Variants in HYCC2 observed in about 807,000 individuals in gnomAD.
HYCC2 encodes hyccin 2.
the HYCC2 span, among the ~76,000 whole-genome samples, chr2:201,056,631 G>A: frequency 6.8e-6 from 1 of 147,176 alleles, no homozygotes; most frequent in South Asian, 2.1e-4. Context: ...CAAAGATCAT[G>A]CCATTGCACT....
the HYCC2 span, among the ~76,000 whole-genome samples, chr2:201,032,609 C>T: frequency 6.6e-6 from 1 of 152,082 alleles, no homozygotes; most frequent in Non-Finnish European, 1.5e-5. Flanking sequence ...GATGCAATTA[C>T]GATTGAGATT....
At chr2:201,060,562 T>C in the HYCC2 span, among the ~76,000 whole-genome samples, 258 of 152,318 alleles carry the variant, frequency 1.7e-3, no homozygotes, top group African/African-American at 5.0e-3. Context: ...ATGCTAAAGA[T>C]GGCGAAAGAA....
chr2:201,010,767 A>AG, the HYCC2 span, among the ~76,000 whole-genome samples: 7,854 of 151,950 alleles, frequency 0.052, 468 homozygotes, highest in African/African-American at 0.14. Flanking sequence ...AATATTTTTA[A>AG]GCTTATTATT....
At chr2:200,981,863 C>A in the HYCC2 span, 2 of 1,597,990 alleles carry the variant, frequency 1.3e-6, no homozygotes, top group Non-Finnish European at 8.5e-7. The surrounding 1 kb of genome is among the most constrained non-coding windows in gnomAD (Gnocchi z 4.5). Context: ...CCATTTACAC[C>A]CTCAGCACCT....
At chr2:201,009,125 A>C in the HYCC2 span, 1 of 1,233,570 alleles carries the variant, frequency 8.1e-7, no homozygotes, top group South Asian at 1.2e-5. Flanking sequence ...CAATGTCTCT[A>C]CCATGAAGTA....
the HYCC2 span, among the ~76,000 whole-genome samples, chr2:201,070,607 G>T: frequency 2.6e-5 from 4 of 151,792 alleles, no homozygotes; most frequent in East Asian, 7.7e-4. Flanking sequence ...AGCCGAGATC[G>T]CGCCATTGCA....
At chr2:200,987,943 A>C in the HYCC2 span, among the ~76,000 whole-genome samples, 5 of 152,188 alleles carry the variant, frequency 3.3e-5, no homozygotes, top group Non-Finnish European at 5.9e-5. Flanking sequence ...CACAGTGCTC[A>C]TATGTGCACC....
chr2:201,009,467 CT>C, the HYCC2 span: 247 of 155,220 alleles, frequency 1.6e-3, no homozygotes, highest in Middle Eastern at 3.4e-3. Context: ...AAATATCTCT[CT>C]TTTTTTTTTG....
At chr2:201,050,796 G>A in the HYCC2 span, among the ~76,000 whole-genome samples, 2 of 151,810 alleles carry the variant, frequency 1.3e-5, no homozygotes, top group Admixed American at 6.6e-5. Flanking sequence ...TTAGCCAGGT[G>A]TGGTGGTGGG....
At chr2:201,010,591 T>C in the HYCC2 span, among the ~76,000 whole-genome samples, 1 of 152,126 alleles carries the variant, frequency 6.6e-6, no homozygotes, top group African/African-American at 2.4e-5. Flanking sequence ...AAGTATAATG[T>C]ACTGAACACC....
At chr2:201,049,411 G>A in the HYCC2 span, among the ~76,000 whole-genome samples, 2 of 151,780 alleles carry the variant, frequency 1.3e-5, no homozygotes, top group Non-Finnish European at 2.9e-5. Context: ...GTGCACTGGC[G>A]CGATCTTGGC....
chr2:201,009,014 A>C, the HYCC2 span: 1 of 1,613,792 alleles, frequency 6.2e-7, no homozygotes, highest in African/African-American at 1.3e-5. Flanking sequence ...GATGAAGATC[A>C]CTATAAACAA....
At chr2:200,994,233 A>G in the HYCC2 span, among the ~76,000 whole-genome samples, 1 of 152,068 alleles carries the variant, frequency 6.6e-6, no homozygotes, top group Non-Finnish European at 1.5e-5. Flanking sequence ...ACTAGAAATT[A>G]TATCATTTCC....
the HYCC2 span, among the ~76,000 whole-genome samples, chr2:201,003,805 C>CTTTTTTTTTTT: frequency 1.5e-5 from 1 of 66,368 alleles, no homozygotes; most frequent in Non-Finnish European, 2.6e-5. Flanking sequence ...GTTGTTGTTG[C>CTTTTTTTTTTT]TTTTTTTTTT....
At chr2:201,029,773 C>T in the HYCC2 span, among the ~76,000 whole-genome samples, 1 of 152,076 alleles carries the variant, frequency 6.6e-6, no homozygotes, top group African/African-American at 2.4e-5. Context: ...TCACCAGGGC[C>T]TGTCATGAGG....
At chr2:200,981,254 A>T in the HYCC2 span, 1 of 1,608,122 alleles carries the variant, frequency 6.2e-7, no homozygotes, top group Non-Finnish European at 8.5e-7. This position sits in a 1 kb window ranked among gnomAD's most constrained non-coding sequence, Gnocchi z 4.5. Flanking sequence ...CAGAAAGATG[A>T]GGGAGGATGT....
the HYCC2 span, among the ~76,000 whole-genome samples, chr2:200,987,771 G>A: frequency 6.6e-6 from 1 of 152,118 alleles, no homozygotes; most frequent in South Asian, 2.1e-4. Flanking sequence ...TATCTCTTAG[G>A]CAAGACAGCT....
At chr2:200,976,482 A>T in the HYCC2 span, 1 of 152,218 alleles carries the variant, frequency 6.6e-6, no homozygotes, top group Non-Finnish European at 1.5e-5. Flanking sequence ...TTTAAACGAG[A>T]CAACTGATTG....
At chr2:201,005,745 C>T in the HYCC2 span, among the ~76,000 whole-genome samples, 1 of 152,214 alleles carries the variant, frequency 6.6e-6, no homozygotes, top group Non-Finnish European at 1.5e-5. Context: ...AACCTAACCT[C>T]TCTCCAAGGT....
Sources: gnomAD v4.1 joint callset for allele counts (sites outside exome capture counted in the v4.1 genomes callset) on GRCh38, gnomAD v4.1.1 for gene constraint, Gnocchi (gnomAD v3.1) non-coding constraint, MANE v1.5 for transcripts, NCBI Gene and HGNC (gene_info 2026-07-23, HGNC 2026-07-21) for gene names.